GRM7: variants seen among roughly 807,000 people sequenced by gnomAD.
GRM7 encodes glutamate metabotropic receptor 7.
In GRM7, 35 loss-of-function variants were observed where a neutral mutation model predicts 84.5. The observed-to-expected ratio is 0.41, with a 90% CI of 0.32 to 0.55. The LOEUF is 0.55. Among genes scored for constraint, GRM7 ranks in the 20% least tolerant of loss-of-function variants. GRM7 has a pLI of 0.19. For synonymous variants in GRM7, 487 were observed against 455.1 expected (o/e 1.07, Z -0.89); for missense variants, 1,003 against 1,194.6 (o/e 0.84, Z 2.36).
intron 1 of GRM7, among the ~76,000 whole-genome samples, chr3:7,042,005 C>T (rs67640072): frequency 0.042 from 6,407 of 152,274 alleles, 171 homozygotes; most frequent in African/African-American, 0.063. Context: ...CACATGGAGT[C>T]TCCTGAAGGG....
At chr3:7,096,716 G>A (rs144993863) in intron 1 of GRM7, among the ~76,000 whole-genome samples, 81 of 152,226 alleles carry the variant, frequency 5.3e-4, no homozygotes, top group African/African-American at 1.9e-3. Context: ...TCTATTCACG[G>A]TTGTTCTTTC....
chr3:6,875,527 A>G (rs1171241879), intron 1 of GRM7, among the ~76,000 whole-genome samples: 1 of 152,166 alleles, frequency 6.6e-6, no homozygotes, highest in African/African-American at 2.4e-5. Flanking sequence ...GCCTTCTGCC[A>G]TGATTGTGAG....
intron 9 of GRM7, among the ~76,000 whole-genome samples, chr3:7,704,172 C>T (rs1056941908): frequency 6.6e-6 from 1 of 152,136 alleles, no homozygotes; most frequent in Non-Finnish European, 1.5e-5. Flanking sequence ...AAAAAAATCA[C>T]TTGTTATTTA....
At chr3:7,126,884 T>G (rs1037998253) in intron 1 of GRM7, among the ~76,000 whole-genome samples, 9 of 152,194 alleles carry the variant, frequency 5.9e-5, no homozygotes, top group Non-Finnish European at 1.0e-4. Flanking sequence ...CTAAATTTGT[T>G]AAGAAATCAT....
At chr3:7,196,359 A>G (rs548975863) in intron 2 of GRM7, among the ~76,000 whole-genome samples, 15 of 152,190 alleles carry the variant, frequency 9.9e-5, no homozygotes, top group African/African-American at 3.4e-4. Flanking sequence ...CTAGAGTAAT[A>G]TTTGGCCACT....
intron 2 of GRM7, among the ~76,000 whole-genome samples, chr3:7,257,998 A>C (rs1575090169): frequency 6.6e-6 from 1 of 152,112 alleles, no homozygotes; most frequent in East Asian, 1.9e-4. Context: ...AAGGCTAAGC[A>C]CTTATTCTCA....
At chr3:7,443,559 T>C (rs1159882299) in intron 5 of GRM7, among the ~76,000 whole-genome samples, 1 of 152,176 alleles carries the variant, frequency 6.6e-6, no homozygotes, top group Non-Finnish European at 1.5e-5. Context: ...CAGCTTATTA[T>C]TGGGAACTGA....
At chr3:7,304,989 C>T (rs1700138492) in intron 3 of GRM7, among the ~76,000 whole-genome samples, 1 of 152,106 alleles carries the variant, frequency 6.6e-6, no homozygotes, top group South Asian at 2.1e-4. Flanking sequence ...ATGGGGTTCC[C>T]AGGGAATCAG....
At chr3:7,337,524 G>A (rs566840899) in intron 4 of GRM7, among the ~76,000 whole-genome samples, 2 of 151,770 alleles carry the variant, frequency 1.3e-5, no homozygotes, top group South Asian at 4.2e-4. Flanking sequence ...TCCAACAAAG[G>A]ACTAATATCC....
At chr3:7,352,579 G>A (rs895509295) in intron 4 of GRM7, among the ~76,000 whole-genome samples, 3 of 152,076 alleles carry the variant, frequency 2.0e-5, no homozygotes, top group African/African-American at 7.2e-5. Flanking sequence ...TATAAGGAAA[G>A]GTGAACTCTT....
intron 1 of GRM7, among the ~76,000 whole-genome samples, chr3:6,932,167 C>T (rs1275835792): frequency 6.6e-6 from 1 of 152,220 alleles, no homozygotes; most frequent in African/African-American, 2.4e-5. Flanking sequence ...ATTTGTGAAT[C>T]GAATGACTAG....
chr3:7,095,683 C>T (rs1574895481), intron 1 of GRM7, among the ~76,000 whole-genome samples: 1 of 152,132 alleles, frequency 6.6e-6, no homozygotes, highest in East Asian at 1.9e-4. Flanking sequence ...ACAGAGATGA[C>T]ATAAAATATA....
At chr3:7,485,842 A>G (rs1699299480) in intron 7 of GRM7, among the ~76,000 whole-genome samples, 1 of 152,150 alleles carries the variant, frequency 6.6e-6, no homozygotes, top group Non-Finnish European at 1.5e-5. Context: ...TGGATTAATA[A>G]TTCATGTTCA....
chr3:7,240,280 T>A (rs1361674586), intron 2 of GRM7, among the ~76,000 whole-genome samples: 1 of 151,678 alleles, frequency 6.6e-6, no homozygotes, highest in Non-Finnish European at 1.5e-5. Flanking sequence ...TAAAATTAAG[T>A]ACAGGGCTTG....
chr3:7,725,291 G>T (rs1396241313), intron 9 of GRM7, among the ~76,000 whole-genome samples: 1 of 151,958 alleles, frequency 6.6e-6, no homozygotes, highest in East Asian at 1.9e-4. Flanking sequence ...GAATATCTTG[G>T]GAAAAAAAAT....
In GRM7 at chr3:7,578,941, C is replaced by T. The variant is rs777119345; in HGVS notation, c.2035C>T (p.Arg679Trp). 7 of 1,613,962 alleles carry T rather than the reference C, an allele frequency of 4.3e-6. No individual in the cohort carries two copies. The highest frequency in any genetic ancestry group is 1.7e-5 in the Admixed American group (1 of 60,000). ...TGCAGCCCTCTTGACGAAAACAAAT[C>T]GGATTTATCGCATATTTGAGCAGGG... ...SYAALLTKTN[R>W]IYRIFEQGKK... Residue 679 changes from arginine (R) to tryptophan (W), a missense_variant, in exon 8 of 10, where the codon CGG becomes TGG. Physicochemically the swap from Arg to Trp is moderately radical, Grantham distance 101 (BLOSUM62 -3). Transcript: ENST00000357716.
At chr3:6,979,791 G>A (rs1368725873) in intron 1 of GRM7, among the ~76,000 whole-genome samples, 1 of 152,110 alleles carries the variant, frequency 6.6e-6, no homozygotes, top group Non-Finnish European at 1.5e-5. Context: ...AATCACTTTT[G>A]CATCAACATA....
chr3:7,018,832 C>T (rs975527729), intron 1 of GRM7, among the ~76,000 whole-genome samples: 1 of 152,234 alleles, frequency 6.6e-6, no homozygotes, highest in Admixed American at 6.5e-5. Context: ...CGCCGTGGCT[C>T]ACGCCTGTAA....
chr3:6,973,926 G>A (rs1693877039), intron 1 of GRM7, among the ~76,000 whole-genome samples: 1 of 152,116 alleles, frequency 6.6e-6, no homozygotes, highest in South Asian at 2.1e-4. Context: ...TTATCTGATA[G>A]GCTGGTGTGT....
Sources: allele counts gnomAD v4.1 joint callset (sites outside exome capture counted in the v4.1 genomes callset), GRCh38; gene constraint gnomAD v4.1.1; transcripts MANE v1.5; gene names NCBI Gene and HGNC (gene_info 2026-07-23, HGNC 2026-07-21).